The following ARHGAP42 variants were observed in gnomAD, a reference collection of about 807,000 sequenced individuals.
ARHGAP42 encodes the protein Rho GTPase activating protein 42, also known as rho GTPase-activating protein 42.
Under a neutral mutation model 125.0 loss-of-function variants are expected in ARHGAP42, and 63 were observed. The observed-to-expected ratio is 0.50, with a 90% CI of 0.41 to 0.62. The LOEUF (loss-of-function observed/expected upper bound fraction) is 0.62, where lower values mean the gene tolerates loss of function less well. Among genes scored for constraint, ARHGAP42 ranks in the 20% least tolerant of loss-of-function variants. The pLI is 0.00. For missense variants in ARHGAP42, 766 were observed against 1,024.2 expected, an observed-to-expected ratio of 0.75 and a Z score of 3.44; for synonymous variants, 339 against 351.0, an observed-to-expected ratio of 0.97 and a Z score of 0.38.
Position 100,845,900 on chromosome 11 carries a change from C to T in ARHGAP42, c.313-13654C>T, listed in dbSNP as rs149793152. Among the ~76,000 whole-genome samples, 14 of 152,228 alleles carry T rather than the reference C, an allele frequency of 9.2e-5. 1 individual carries two copies. In the South Asian group the frequency reaches 2.1e-3, roughly 23 times the overall value. On this transcript the variant is annotated intron_variant, in intron 3 of 23. Coordinates refer to ENST00000298815, the MANE Select transcript of ARHGAP42 (RefSeq NM_152432.4). The stretch of plus-strand genomic sequence containing the variant: ...TTTATCAGCCTAATTGAGTTTTTGG[C>T]GGAGGCTAACAAGGCCTCATCCAGT...
In ARHGAP42 at chr11:100,687,834, T is replaced by A; in HGVS notation, c.154+2T>A. ...CTCTGCTCATTGGGGCGTTGAGGAG[T>A]AAGTAGGGCTGGCGGGGGAGTGGAC... is the stretch of plus-strand genomic sequence containing the variant. On this transcript the variant is annotated splice_donor_variant, in intron 1 of 23. Transcript: ENST00000298815. LOFTEE classifies it high-confidence loss of function. 1.3e-6 allele frequency: 2 copies of A among 1,540,534 alleles called. No homozygotes were observed. Among genetic ancestry groups the A allele is most frequent in the South Asian group, 1.2e-5 (1 of 82,866 alleles).
At chr11:100,691,925 T>C (rs1861198417) in intron 1 of ARHGAP42, among the ~76,000 whole-genome samples, 1 of 143,474 alleles carries the variant, frequency 7.0e-6, no homozygotes, top group Admixed American at 6.7e-5. Context: ...GTATCAAATA[T>C]ATATAACATC....
At chr11:100,822,958 G>A (rs1199619786) in intron 3 of ARHGAP42, among the ~76,000 whole-genome samples, 1 of 152,112 alleles carries the variant, frequency 6.6e-6, no homozygotes, top group Non-Finnish European at 1.5e-5. Flanking sequence ...GAAGTGGAGT[G>A]TTTGCTGGTA....
At chr11:100,861,357 C>T (rs1262698423) in intron 4 of ARHGAP42, among the ~76,000 whole-genome samples, 3 of 152,188 alleles carry the variant, frequency 2.0e-5, no homozygotes, top group African/African-American at 4.8e-5. Flanking sequence ...TTATAAATGA[C>T]TCACAGTATT....
At chr11:100,866,256 CCT>C (rs1184529773) in intron 4 of ARHGAP42, among the ~76,000 whole-genome samples, 1 of 152,178 alleles carries the variant, frequency 6.6e-6, no homozygotes, top group Non-Finnish European at 1.5e-5. Flanking sequence ...TAGCTCTCTT[CCT>C]GTTTCCACCA....
In ARHGAP42 at chr11:100,991,131, G is replaced by A. The variant is rs555385321; in HGVS notation, c.*2330G>A. On this transcript the variant is annotated 3_prime_UTR_variant, in exon 24 of 24. Transcript: ENST00000298815. Reference sequence around the variant, plus strand: ...ACTGATTCAAGTTGTGCTTGTGCTTGAACTTTTAATCTTCTAGATTTGTGA... The same window carrying A: ...ACTGATTCAAGTTGTGCTTGTGCTTAAACTTTTAATCTTCTAGATTTGTGA... 6 of 152,298 alleles carry A rather than the reference G, an allele frequency of 3.9e-5. No homozygotes were observed. The East Asian group carries it at 1.2e-3, about 29-fold the overall frequency. 9.4% of individuals were successfully genotyped at this position (152,298 alleles called of 1,614,324 possible).
At chr11:100,792,910 G>A (rs531669646) in intron 2 of ARHGAP42, among the ~76,000 whole-genome samples, 3 of 152,000 alleles carry the variant, frequency 2.0e-5, no homozygotes, top group East Asian at 1.9e-4. Flanking sequence ...CCGCCACCAC[G>A]CCCTGCTAAT....
At chr11:100,705,116 C>CT (rs1328083834) in intron 1 of ARHGAP42, among the ~76,000 whole-genome samples, 1 of 151,434 alleles carries the variant, frequency 6.6e-6, no homozygotes, top group African/African-American at 2.4e-5. Flanking sequence ...TGAGATTGTG[C>CT]TTTGTACTTC....
chr11:100,781,218 A>G (rs1863302854), intron 2 of ARHGAP42, among the ~76,000 whole-genome samples: 1 of 151,860 alleles, frequency 6.6e-6, no homozygotes, highest in East Asian at 1.9e-4. Flanking sequence ...CTGCATTTCT[A>G]TAGTTCTAGG....
At chr11:100,722,891 A>G (rs540325655) in intron 1 of ARHGAP42, among the ~76,000 whole-genome samples, 1 of 152,278 alleles carries the variant, frequency 6.6e-6, no homozygotes, top group East Asian at 1.9e-4. Flanking sequence ...TCTAGATTTT[A>G]TAATAATACT....
intron 4 of ARHGAP42, among the ~76,000 whole-genome samples, chr11:100,905,430 A>G (rs1866698690): frequency 6.6e-6 from 1 of 152,214 alleles, no homozygotes; most frequent in African/African-American, 2.4e-5. Flanking sequence ...TAGCATCCTT[A>G]CAGTAGCACA....
At chr11:100,943,271 G>A (rs180929291) in intron 9 of ARHGAP42, among the ~76,000 whole-genome samples, 8 of 151,866 alleles carry the variant, frequency 5.3e-5, no homozygotes, top group South Asian at 4.2e-4. Context: ...TATTATTTCC[G>A]TAGCTCTCTT....
chr11:100,778,432 G>A (rs184558715), intron 2 of ARHGAP42, among the ~76,000 whole-genome samples: 2 of 152,080 alleles, frequency 1.3e-5, no homozygotes, highest in South Asian at 2.1e-4. Context: ...TCAGGAAGTC[G>A]TGTATTAAAG....
chr11:100,969,415 T>A (rs188034976), intron 17 of ARHGAP42, among the ~76,000 whole-genome samples: 1 of 152,122 alleles, frequency 6.6e-6, no homozygotes, highest in Non-Finnish European at 1.5e-5. Context: ...ATTTGGAAAA[T>A]TTTCAGCCAC....
chr11:100,877,387 T>C (rs1217829203), intron 4 of ARHGAP42, among the ~76,000 whole-genome samples: 1 of 152,236 alleles, frequency 6.6e-6, no homozygotes, highest in African/African-American at 2.4e-5. Context: ...AGCAAATTTA[T>C]GTGGCCATGT....
intron 3 of ARHGAP42, among the ~76,000 whole-genome samples, chr11:100,853,193 C>T (rs149284841): frequency 8.5e-5 from 13 of 152,190 alleles, no homozygotes; most frequent in Non-Finnish European, 1.5e-4. Flanking sequence ...TTATTTTAAG[C>T]AGCTTTTAAG....
chr11:100,924,465 G>A (rs982524856), intron 6 of ARHGAP42, among the ~76,000 whole-genome samples: 2 of 151,792 alleles, frequency 1.3e-5, no homozygotes, highest in Non-Finnish European at 2.9e-5. Context: ...TCAGGAGTTC[G>A]AGACCAGCCT....
At chr11:100,919,652 T>C (rs967165743) in intron 5 of ARHGAP42, among the ~76,000 whole-genome samples, 1 of 152,122 alleles carries the variant, frequency 6.6e-6, no homozygotes, top group Non-Finnish European at 1.5e-5. Context: ...TCCTCCCACG[T>C]TGGCCTCTCA....
chr11:100,948,694 C>T (rs1868091373), intron 11 of ARHGAP42, among the ~76,000 whole-genome samples, 159 bp downstream of exon 11: 1 of 152,074 alleles, frequency 6.6e-6, no homozygotes, highest in South Asian at 2.1e-4. Context: ...TTCCTAGTCT[C>T]ACTCATGGCC....
Sources: allele counts gnomAD v4.1 joint callset (sites outside exome capture counted in the v4.1 genomes callset), GRCh38; gene constraint gnomAD v4.1.1; transcripts MANE v1.5; gene names NCBI Gene and HGNC (gene_info 2026-07-23, HGNC 2026-07-21).